CNIH3: variants seen among roughly 807,000 people sequenced by gnomAD.
The protein encoded by CNIH3 is protein cornichon homolog 3.
Under a neutral mutation model 24.1 loss-of-function variants are expected in CNIH3, and 14 were observed. That is an observed-to-expected ratio of 0.58 (90% CI 0.38 to 0.91). The LOEUF is 0.91. CNIH3 is among the 40% of genes least tolerant of loss of function. CNIH3 has a pLI of 0.00. For synonymous variants in CNIH3, 68 were observed against 73.8 expected (o/e 0.92, Z 0.40); for missense variants, 178 against 196.8 (o/e 0.90, Z 0.57).
At position 224,475,987 on chromosome 1, in the gene CNIH3, C is replaced by T. The variant is rs137943474; in HGVS notation, n.204-39754C>T. On this transcript the variant is annotated intron_variant and non_coding_transcript_variant, in intron 1 of 5. Coordinates refer to the CNIH3 transcript ENST00000471578. The stretch of plus-strand genomic sequence containing the variant: ...TACATCATATCAACAGAATGAAGGA[C>T]AAAAACTATATGATCATTTAAGTTG... Among the ~76,000 whole-genome samples, 455 of 152,194 alleles carry T rather than the reference C, an allele frequency of 3.0e-3. 3 individuals carry two copies. The highest frequency in any genetic ancestry group is 4.8e-3 in the Non-Finnish European group (329 of 67,990).
At chr1:224,444,476 A>G (rs1675060065) in intron 1 of CNIH3, among the ~76,000 whole-genome samples, 1 of 151,906 alleles carries the variant, frequency 6.6e-6, no homozygotes, top group South Asian at 2.1e-4. Flanking sequence ...CTCCTGCCTC[A>G]GCCTCCCAAG....
At chr1:224,449,768 G>T (rs1365021784) in intron 1 of CNIH3, among the ~76,000 whole-genome samples, 1 of 152,076 alleles carries the variant, frequency 6.6e-6, no homozygotes, top group Non-Finnish European at 1.5e-5. Context: ...TAATGTCCAG[G>T]TACTGGTCTG....
Position 224,668,381 on chromosome 1 carries a change from C to T in CNIH3, c.82-12577C>T, listed in dbSNP as rs146782822. ...CCATGCCCAGAAGCTATTGTGTTTT[C>T]AGAGTCAACACAAAATGAATGGCAG... On this transcript the variant is annotated intron_variant, in intron 1 of 5. Transcript: ENST00000272133. 4.9e-3 allele frequency among the ~76,000 whole-genome samples: 749 copies of T among 152,340 alleles called. 17 individuals are homozygous for T. Among genetic ancestry groups the T allele is most frequent in the Admixed American group, 0.034 (521 of 15,306 alleles).
chr1:224,677,813 T>C (rs1686210286), intron 1 of CNIH3, among the ~76,000 whole-genome samples: 1 of 152,226 alleles, frequency 6.6e-6, no homozygotes, highest in Non-Finnish European at 1.5e-5. Flanking sequence ...ATGTGGGGGC[T>C]TGGCTCCCTT....
At position 224,740,105 on chromosome 1, in the gene CNIH3, A is replaced by G. The variant is rs1689796691; in HGVS notation, c.*749A>G. Reference sequence around the variant, plus strand: ...AAATGCAAATCAATTGGTCAATGCTAGTCAAAGCTATGTTCTTACAAAAAC... The same window carrying G: ...AAATGCAAATCAATTGGTCAATGCTGGTCAAAGCTATGTTCTTACAAAAAC... On this transcript the variant is annotated 3_prime_UTR_variant, in exon 6 of 6. Coordinates refer to ENST00000272133, the MANE Select transcript of CNIH3 (RefSeq NM_152495.2). The G allele has an allele frequency of 6.6e-6, 1 of 152,292 alleles. No individual in the cohort carries two copies. The highest frequency in any genetic ancestry group is 1.5e-5 in the Non-Finnish European group (1 of 68,094). 9.4% of individuals were successfully genotyped at this position (152,292 alleles called of 1,614,324 possible).
At chr1:224,695,502 C>G (rs890224274) in intron 3 of CNIH3, among the ~76,000 whole-genome samples, 2 of 152,070 alleles carry the variant, frequency 1.3e-5, no homozygotes, top group Non-Finnish European at 2.9e-5. Flanking sequence ...TGCTGTGAAC[C>G]GAACCTTCAC....
intron 2 of CNIH3, among the ~76,000 whole-genome samples, chr1:224,682,082 G>C (rs897864295): frequency 2.0e-5 from 3 of 152,182 alleles, no homozygotes; most frequent in Non-Finnish European, 4.4e-5. Context: ...CTTCTCCTTA[G>C]CTGCAGGCCT....
At chr1:224,709,683 C>A (rs1299896435) in intron 3 of CNIH3, among the ~76,000 whole-genome samples, 1 of 152,176 alleles carries the variant, frequency 6.6e-6, no homozygotes, top group East Asian at 1.9e-4. Flanking sequence ...AGGCCACAGG[C>A]TTCCTCCCTA....
chr1:224,594,094 G>A (rs1314450016), intron 3 of CNIH3, among the ~76,000 whole-genome samples: 1 of 152,222 alleles, frequency 6.6e-6, no homozygotes, highest in Non-Finnish European at 1.5e-5. Flanking sequence ...TTGCACAACA[G>A]TGTAAGTGTA....
At chr1:224,644,163 A>C (rs1684488982) in intron 1 of CNIH3, among the ~76,000 whole-genome samples, 1 of 152,116 alleles carries the variant, frequency 6.6e-6, no homozygotes, top group Non-Finnish European at 1.5e-5. Flanking sequence ...GAATGTGTTG[A>C]ATGCCTTGGG....
chr1:224,542,176 C>T (rs1679535947), downstream of CNIH3, among the ~76,000 whole-genome samples: 1 of 152,312 alleles, frequency 6.6e-6, no homozygotes, highest in Admixed American at 6.5e-5. Flanking sequence ...AGCTTCTATG[C>T]ATCATCAATT....
chr1:224,625,679 G>A (rs975646229), intron 1 of CNIH3, among the ~76,000 whole-genome samples: 3 of 152,250 alleles, frequency 2.0e-5, no homozygotes, highest in Non-Finnish European at 4.4e-5. Context: ...GGGAGATGGT[G>A]GATGGGATAG....
chr1:224,502,195 A>G (rs1008184871), intron 1 of CNIH3, among the ~76,000 whole-genome samples: 4 of 152,210 alleles, frequency 2.6e-5, no homozygotes, highest in Admixed American at 2.6e-4. Context: ...AGAGGGAATC[A>G]AGTCACTTTA....
Position 224,637,725 on chromosome 1 carries a change from G to A in CNIH3, c.81+20470G>A, listed in dbSNP as rs960363410. Among the ~76,000 whole-genome samples, 7 of 152,310 alleles carry A rather than the reference G, an allele frequency of 4.6e-5. No homozygotes were observed. In the East Asian group the frequency reaches 7.7e-4, roughly 17 times the overall value. Reference sequence around the variant, plus strand: ...TGCGGTCTTGTTGCTCACATAGTTAGCATGTTATGAATGTCACCAGCCGCT... The same window carrying A: ...TGCGGTCTTGTTGCTCACATAGTTAACATGTTATGAATGTCACCAGCCGCT... On this transcript the variant is annotated intron_variant, in intron 1 of 5. Coordinates refer to ENST00000272133, the MANE Select transcript of CNIH3 (RefSeq NM_152495.2).
chr1:224,733,732 G>T (rs1235367307), intron 4 of CNIH3, among the ~76,000 whole-genome samples: 5 of 152,196 alleles, frequency 3.3e-5, no homozygotes, highest in Admixed American at 3.3e-4. Flanking sequence ...TTACCAGAAT[G>T]ACTGAAAAAG....
intron 3 of CNIH3, among the ~76,000 whole-genome samples, chr1:224,556,299 G>A (rs547659120): frequency 5.9e-5 from 9 of 151,808 alleles, no homozygotes; most frequent in Non-Finnish European, 1.3e-4. Context: ...CATCCTGTCT[G>A]TGGTACTTAC....
At position 224,730,552 on chromosome 1, in the gene CNIH3, C is replaced by T. The variant is rs1490332043; in HGVS notation, c.289C>T (p.Leu97=). The part of the protein sequence containing the change: ...EWLTLGLNVP[L]LFYHFWRYFH... ...GCTCACGCTGGGGCTGAATGTCCCT[C>T]TACTTTTCTATCACTTCTGGAGGTA... is the stretch of plus-strand genomic sequence containing the variant. The change falls in exon 4 of 6, where the codon CTA becomes TTA. Residue 97 remains leucine, a synonymous_variant. Coordinates refer to ENST00000272133, the MANE Select transcript of CNIH3 (RefSeq NM_152495.2). 1.5e-5 allele frequency: 24 copies of T among 1,554,890 alleles called. No individual in the cohort carries two copies. The highest frequency in any genetic ancestry group is 2.1e-5 in the Non-Finnish European group (24 of 1,147,630).
upstream of CNIH3, among the ~76,000 whole-genome samples, chr1:224,511,478 ACT>A (rs548549923): frequency 6.6e-6 from 1 of 152,212 alleles, no homozygotes; most frequent in Non-Finnish European, 1.5e-5. Flanking sequence ...AAGTGGGTAG[ACT>A]GGTTTTCATG....
chr1:224,547,980 A>G (rs1191496048), intron 3 of CNIH3, among the ~76,000 whole-genome samples: 1 of 151,980 alleles, frequency 6.6e-6, no homozygotes. Flanking sequence ...TATTATTTGT[A>G]AGATCTAAGG....
Sources: gnomAD v4.1 joint callset for allele counts (sites outside exome capture counted in the v4.1 genomes callset) on GRCh38, gnomAD v4.1.1 for gene constraint, MANE v1.5 for transcripts, NCBI Gene and HGNC (gene_info 2026-07-23, HGNC 2026-07-21) for gene names.